The following PIGL variants were observed in gnomAD, a reference collection of about 807,000 sequenced individuals.
PIGL encodes the protein N-acetylglucosaminyl-phosphatidylinositol de-N-acetylase.
A neutral mutation model predicts 31.1 loss-of-function variants in PIGL; 22 were observed. That is an observed-to-expected ratio of 0.71 (90% CI 0.51 to 1.01). The LOEUF (loss-of-function observed/expected upper bound fraction) is 1.01, where lower values mean the gene tolerates loss of function less well. Ranked by LOEUF, PIGL falls within the 50% of genes least tolerant of loss-of-function variation. The pLI, the probability that PIGL is intolerant of heterozygous loss-of-function variation, is 0.00. For missense variants in PIGL, 302 were observed against 315.9 expected (o/e 0.96, Z 0.33); for synonymous variants, 131 against 117.4 (o/e 1.12, Z -0.75).
intron 1 of PIGL, 101 bp downstream of exon 1, chr17:16,217,562 C>A (rs1364722799): frequency 1.2e-5 from 11 of 908,676 alleles, no homozygotes; most frequent in Non-Finnish European, 1.7e-5. Flanking sequence ...CCGTAGGGAG[C>A]TAAGTGAATA....
intron 6 of PIGL, among the ~76,000 whole-genome samples, chr17:16,319,939 G>A (rs1055965721): frequency 2.0e-5 from 3 of 151,746 alleles, no homozygotes; most frequent in Admixed American, 1.3e-4. Context: ...TTGTCTCCAG[G>A]TGCATCCCCC....
At chr17:16,222,678 T>C (rs2092634669) in intron 1 of PIGL, among the ~76,000 whole-genome samples, 1 of 151,216 alleles carries the variant, frequency 6.6e-6, no homozygotes. Flanking sequence ...TCCCAGTGTA[T>C]GTTCCAAGGA....
chr17:16,225,935 C>T (rs1337764411), intron 1 of PIGL, among the ~76,000 whole-genome samples: 2 of 151,486 alleles, frequency 1.3e-5, no homozygotes, highest in Non-Finnish European at 2.9e-5. Flanking sequence ...AATCCTGGCA[C>T]TTTCTGAGGC....
chr17:16,266,931 ATTAAGT>A, intron 2 of PIGL, among the ~76,000 whole-genome samples: 1 of 147,332 alleles, frequency 6.8e-6, no homozygotes, highest in Non-Finnish European at 1.5e-5. Context: ...TGTCGTGGAA[ATTAAGT>A]TTATGAATCT....
intron 2 of PIGL, among the ~76,000 whole-genome samples, chr17:16,244,969 C>A (rs1600768916): frequency 6.6e-6 from 1 of 152,096 alleles, no homozygotes; most frequent in Admixed American, 6.6e-5. Context: ...TGAGCCATCA[C>A]ACCCAGACTA....
chr17:16,245,657 C>A (rs1410762368), intron 2 of PIGL, among the ~76,000 whole-genome samples: 1 of 150,774 alleles, frequency 6.6e-6, no homozygotes, highest in Non-Finnish European at 1.5e-5. Flanking sequence ...CCCGCCTCAG[C>A]CCTCCAAAAT....
intron 2 of PIGL, among the ~76,000 whole-genome samples, chr17:16,270,040 A>T (rs1000513570): frequency 7.2e-5 from 11 of 152,030 alleles, no homozygotes; most frequent in Non-Finnish European, 1.5e-4. Context: ...TAATCTCAGC[A>T]CTTTGGGAGG....
intron 2 of PIGL, among the ~76,000 whole-genome samples, chr17:16,248,839 C>A (rs552254644): frequency 6.6e-6 from 1 of 152,274 alleles, no homozygotes; most frequent in Non-Finnish European, 1.5e-5. Flanking sequence ...GTGGCTTAAA[C>A]AACACAAATT....
intron 2 of PIGL, among the ~76,000 whole-genome samples, chr17:16,289,516 C>T (rs954137691): frequency 1.3e-5 from 2 of 152,196 alleles, no homozygotes; most frequent in African/African-American, 2.4e-5. Context: ...AACTTACCCA[C>T]GCACATCAGC....
chr17:16,217,625 G>GATCTACA, intron 1 of PIGL, 164 bp downstream of exon 1: 3 of 550,892 alleles, frequency 5.4e-6, no homozygotes, highest in Admixed American at 6.9e-5. Flanking sequence ...GGAGCGGCCG[G>GATCTACA]CTTACCTGGT....
chr17:16,268,801 C>T (rs566188977), intron 2 of PIGL, among the ~76,000 whole-genome samples: 7 of 150,662 alleles, frequency 4.6e-5, no homozygotes, highest in African/African-American at 4.9e-5. Context: ...CTTGTTCTGT[C>T]GCCCAGGCTG....
intron 2 of PIGL, among the ~76,000 whole-genome samples, chr17:16,257,735 G>C (rs1347817753): frequency 1.3e-5 from 2 of 151,792 alleles, no homozygotes; most frequent in East Asian, 3.9e-4. Flanking sequence ...TGAGAGAAGA[G>C]AGTAAAGTGA....
intron 2 of PIGL, among the ~76,000 whole-genome samples, chr17:16,258,597 G>A (rs143310204): frequency 0.05 from 7,647 of 151,830 alleles, 240 homozygotes; most frequent in African/African-American, 0.095. Context: ...TCCGCCTCCC[G>A]GGCCCAAGCG....
intron 2 of PIGL, among the ~76,000 whole-genome samples, chr17:16,269,832 G>C (rs1403846076): frequency 1.3e-5 from 2 of 151,940 alleles, no homozygotes; most frequent in Non-Finnish European, 2.9e-5. Context: ...GGAGTCTCTG[G>C]GTTGAAATCC....
intron 1 of PIGL, among the ~76,000 whole-genome samples, chr17:16,223,602 G>A (rs765452105): frequency 2.6e-5 from 4 of 151,602 alleles, no homozygotes; most frequent in East Asian, 3.9e-4. Flanking sequence ...GTCTTGGACC[G>A]GGTGTGGTGG....
intron 2 of PIGL, among the ~76,000 whole-genome samples, chr17:16,290,890 G>C (rs1303124688): frequency 1.3e-5 from 2 of 152,058 alleles, no homozygotes; most frequent in Non-Finnish European, 2.9e-5. Flanking sequence ...ATGTTGCCCA[G>C]GCTGGTCTTG....
chr17:16,317,673 C>G, intron 5 of PIGL, 102 bp from the exon 6 acceptor site: 4 of 1,569,886 alleles, frequency 2.5e-6, no homozygotes, highest in Non-Finnish European at 3.5e-6. Flanking sequence ...TGGCCACTGT[C>G]CTGCCCTGCC....
Position 16,246,041 on chromosome 17 carries a change from T to A in PIGL, c.335+11971T>A, listed in dbSNP as rs2092745165. On this transcript the variant is annotated intron_variant, in intron 2 of 6. Coordinates refer to ENST00000225609, the MANE Select transcript of PIGL (RefSeq NM_004278.4). The stretch of plus-strand genomic sequence containing the variant: ...GGTTTCACCATGTTAGCCAGGATGG[T>A]CTTGATCTACTGACCTTGTGATCCA... Among the ~76,000 whole-genome samples the A allele has an allele frequency of 2.0e-5, 3 of 150,282 alleles. 1 individual carries two copies. The highest frequency in any genetic ancestry group is 2.0e-4 in the Admixed American group (3 of 15,046).
intron 2 of PIGL, among the ~76,000 whole-genome samples, chr17:16,251,825 TGCATTTGTGGACA>T (rs1306783149): frequency 6.6e-6 from 1 of 152,058 alleles, no homozygotes; most frequent in African/African-American, 2.4e-5. Context: ...TCATTGCTGT[TGCATTTGTGGACA>T]GCTATTTCAT....
Sources: allele counts gnomAD v4.1 joint callset (sites outside exome capture counted in the v4.1 genomes callset), GRCh38; gene constraint gnomAD v4.1.1; transcripts MANE v1.5; gene names NCBI Gene and HGNC (gene_info 2026-07-23, HGNC 2026-07-21).